The following ZNF500 variants were observed in gnomAD, a reference collection of about 807,000 sequenced individuals.
ZNF500 encodes the protein zinc finger protein with KRAB and SCAN domains 18.
A neutral mutation model predicts 30.1 loss-of-function variants in ZNF500; 31 were observed. That is an observed-to-expected ratio of 1.03 (90% confidence interval 0.77 to 1.39). The LOEUF (loss-of-function observed/expected upper bound fraction) is 1.39. Among genes scored for constraint, ZNF500 ranks in the 40% most tolerant of loss-of-function variants. The probability of loss-of-function intolerance (pLI) is 0.00; values close to 1 mark genes in which losing one functional copy is unlikely to be tolerated. For synonymous variants in ZNF500, 392 were observed against 282.0 expected, an observed-to-expected ratio of 1.39 and a Z score of -3.91; for missense variants, 817 against 657.8, an observed-to-expected ratio of 1.24 and a Z score of -2.65.
chr16:4,746,080 T>C, downstream of ZNF500: 2 of 306,662 alleles, frequency 6.5e-6, no homozygotes, highest in Non-Finnish European at 1.2e-5. Flanking sequence ...CTGAATGTTT[T>C]ATGCATTGGA....
intron 5 of ZNF500, among the ~76,000 whole-genome samples, chr16:4,759,214 C>CAA (rs1182056296): frequency 2.3e-4 from 26 of 111,194 alleles, no homozygotes; most frequent in African/African-American, 6.4e-4. Flanking sequence ...GACTTCATCT[C>CAA]AAAAAAAAAA....
chr16:4,765,560 C>T lies in ZNF500; in HGVS notation c.414+5G>A. The stretch of plus-strand genomic sequence containing the variant: ...TCACCTGAGGGTCAAAATGCCCCCA[C>T]TCACCCGCTGCCTGTGTTTCCTGGG... On this transcript the variant is annotated splice_donor_5th_base_variant and intron_variant, in intron 2 of 5. Coordinates refer to ENST00000219478, the MANE Select transcript of ZNF500 (RefSeq NM_021646.4). 1.3e-6 allele frequency: 2 copies of T among 1,578,226 alleles called. No homozygotes were observed. The highest frequency in any genetic ancestry group is 1.7e-6 in the Non-Finnish European group (2 of 1,160,542).
chr16:4,747,440 G>A (rs149468321), downstream of ZNF500: 252 of 1,613,096 alleles, frequency 1.6e-4, no homozygotes, highest in African/African-American at 3.1e-3. Context: ...GCCCGCGGGT[G>A]GGAGGGCTCA....
chr16:4,765,417 T>C, intron 2 of ZNF500, 148 bp downstream of exon 2: 1 of 1,130,878 alleles, frequency 8.8e-7, no homozygotes, highest in Non-Finnish European at 1.3e-6. Flanking sequence ...TAGCCAAGGC[T>C]GAGAAATCTT....
At position 4,751,728 on chromosome 16, in the gene ZNF500, A is replaced by C; in HGVS notation, c.*648T>G. On this transcript the variant is annotated 3_prime_UTR_variant, in exon 6 of 6. Transcript: ENST00000219478. ...AGGTCACAGTGTATTGGGGGACCCT[A>C]AACCCAGTGAGTGGTGGCCCTACCA... The C allele has an allele frequency of 7.7e-7, 1 of 1,294,502 alleles. No individual in the cohort carries two copies. Among genetic ancestry groups the C allele is most frequent in the South Asian group, 1.3e-5 (1 of 79,046 alleles). 80.2% of individuals were successfully genotyped at this position (1,294,502 alleles called of 1,614,324 possible). A position where few individuals can be genotyped will look rare whatever the true frequency, so the allele number is the denominator to read the frequency against.
chr16:4,758,014 G>C (rs1442397962), intron 5 of ZNF500, among the ~76,000 whole-genome samples: 1 of 150,448 alleles, frequency 6.6e-6, no homozygotes, highest in Non-Finnish European at 1.5e-5. Context: ...CTATTCTCCT[G>C]CCTCAGCCTC....
intron 2 of ZNF500, chr16:4,764,128 T>G (rs988366077): frequency 2.8e-4 from 274 of 983,092 alleles, no homozygotes; most frequent in Non-Finnish European, 3.2e-4. Flanking sequence ...GATTTCGGTG[T>G]GTCAGAAGGG....
rs750039850 is a variant in ZNF500, at chr16:4,752,436, C to A, written c.1383G>T (p.Gly461=). The A allele has an allele frequency of 5.8e-6, 9 of 1,538,584 alleles. No individual in the cohort carries two copies. The highest frequency in any genetic ancestry group is 1.4e-5 in the African/African-American group (1 of 73,004). The change falls in exon 6 of 6, where the codon GGG becomes GGT. Residue 461 remains glycine, a synonymous_variant. Transcript: ENST00000219478. ...GCTGGAGCGTCGGCAAGGAGCCTGC[C>A]CCCATGTGGGTCCGCTGGTGCTTGT... ...DLHKHQRTHM[G]AGSLPTLQPV... is the part of the protein sequence containing the mutation.
intron 5 of ZNF500, 158 bp from the exon 6 acceptor site, chr16:4,753,216 T>C: frequency 7.4e-7 from 1 of 1,351,306 alleles, no homozygotes; most frequent in Non-Finnish European, 9.6e-7. Context: ...ATCCCAGCAC[T>C]TTGGAAGGCT....
intron 2 of ZNF500, chr16:4,763,544 C>A (rs1051035484): frequency 4.1e-6 from 4 of 985,264 alleles, no homozygotes; most frequent in Admixed American, 6.2e-5. Context: ...AAGAGACATC[C>A]CTAGGCAACT....
At chr16:4,757,588 C>T (rs2082149916) in intron 5 of ZNF500, among the ~76,000 whole-genome samples, 3 of 151,898 alleles carry the variant, frequency 2.0e-5, no homozygotes, top group Admixed American at 1.3e-4. Context: ...GCATGAGCCA[C>T]CATGCCCGGC....
chr16:4,751,029 A>C lies in ZNF500; in HGVS notation c.*1347T>G. On this transcript the variant is annotated 3_prime_UTR_variant, in exon 6 of 6. Coordinates refer to ENST00000219478, the MANE Select transcript of ZNF500 (RefSeq NM_021646.4). ...GCCAAAAGGTCAAATGTGCACGTAT[A>C]TACAGTGACTAGGTGACAAATGCAA... 1 of 154,392 alleles carries C rather than the reference A, an allele frequency of 6.5e-6. No homozygotes were observed. Among genetic ancestry groups the C allele is most frequent in the Non-Finnish European group, 1.4e-5 (1 of 69,664 alleles). 9.6% of individuals were successfully genotyped at this position (154,392 alleles called of 1,614,324 possible).
At chr16:4,756,965 A>AGAGT (rs2082141355) in intron 5 of ZNF500, among the ~76,000 whole-genome samples, 1 of 152,052 alleles carries the variant, frequency 6.6e-6, no homozygotes, top group Non-Finnish European at 1.5e-5. Context: ...CCTGGGTGAC[A>AGAGT]GAGTGAGATC....
chr16:4,757,823 C>T (rs938442289), intron 5 of ZNF500, among the ~76,000 whole-genome samples: 3 of 150,230 alleles, frequency 2.0e-5, no homozygotes, highest in East Asian at 4.0e-4. Flanking sequence ...AGGATGGACT[C>T]GATCTCCTGA....
Position 4,748,846 on chromosome 16 carries a change from T to C in ZNF500, c.*3530A>G, listed in dbSNP as rs2082050949. ...GGGCCTTTGGGACAGTGTCCCAGCT[T>C]CCCCTGGGGTTCACCCCTGGCTGCC... On this transcript the variant is annotated 3_prime_UTR_variant, in exon 6 of 6. Transcript: ENST00000219478. 6.6e-6 allele frequency: 1 copy of C among 152,308 alleles called. No homozygotes were observed. Among genetic ancestry groups the C allele is most frequent in the Non-Finnish European group, 1.5e-5 (1 of 68,128 alleles). 9.4% of individuals were successfully genotyped at this position (152,308 alleles called of 1,614,324 possible). A position where few individuals can be genotyped will look rare whatever the true frequency, so the allele number is the denominator to read the frequency against.
chr16:4,757,931 C>T (rs1203294634), intron 5 of ZNF500, among the ~76,000 whole-genome samples: 2 of 129,470 alleles, frequency 1.5e-5, no homozygotes, highest in African/African-American at 2.9e-5. Flanking sequence ...CACAGAGTTT[C>T]GCTCTTGTTG....
chr16:4,746,951 T>TGAGGAG (rs763869305), downstream of ZNF500: 3 of 1,553,576 alleles, frequency 1.9e-6, no homozygotes, highest in East Asian at 2.4e-5. Context: ...CCTCTGACAG[T>TGAGGAG]GAGGAGGAGG....
At chr16:4,754,663 C>CA (rs2082118274) in intron 5 of ZNF500, among the ~76,000 whole-genome samples, 2 of 125,204 alleles carry the variant, frequency 1.6e-5, no homozygotes, top group Non-Finnish European at 1.7e-5. Flanking sequence ...GACTCTGTCT[C>CA]AAAAAAATAA....
chr16:4,765,305 A>C (rs1465064404), intron 2 of ZNF500, among the ~76,000 whole-genome samples: 1 of 152,150 alleles, frequency 6.6e-6, no homozygotes, highest in Non-Finnish European at 1.5e-5. Flanking sequence ...CAAAAAAAAA[A>C]ACATGTTTGG....
Sources: allele counts gnomAD v4.1 joint callset (sites outside exome capture counted in the v4.1 genomes callset), GRCh38; gene constraint gnomAD v4.1.1; transcripts MANE v1.5; gene names NCBI Gene and HGNC (gene_info 2026-07-23, HGNC 2026-07-21).